The following ARB2A variants were observed in gnomAD, a reference collection of about 807,000 sequenced individuals.
The protein encoded by ARB2A is ARB2 cotranscriptional regulator A, also known as cotranscriptional regulator ARB2A.
At chr5:93,676,814 C>T in the ARB2A span, among the ~76,000 whole-genome samples, 16 of 152,314 alleles carry the variant, frequency 1.1e-4, no homozygotes, top group Admixed American at 2.0e-4. Context: ...ATGTATCCAG[C>T]TCACTGCTGC....
the ARB2A span, among the ~76,000 whole-genome samples, chr5:94,094,211 G>A: frequency 2.6e-5 from 4 of 152,190 alleles, no homozygotes; most frequent in Admixed American, 6.5e-5. Context: ...TTTTCTCACA[G>A]CTCTTGAGGC....
chr5:93,753,420 A>G, the ARB2A span, among the ~76,000 whole-genome samples: 1 of 152,260 alleles, frequency 6.6e-6, no homozygotes, highest in Non-Finnish European at 1.5e-5. Context: ...AATAAAAATT[A>G]GGGTTACATT....
At chr5:93,700,828 G>A in the ARB2A span, among the ~76,000 whole-genome samples, 1 of 151,956 alleles carries the variant, frequency 6.6e-6, no homozygotes, top group African/African-American at 2.4e-5. Flanking sequence ...GTACTCCTAA[G>A]TACTTACTAT....
chr5:94,081,617 T>C, the ARB2A span, among the ~76,000 whole-genome samples: 2 of 152,162 alleles, frequency 1.3e-5, no homozygotes, highest in Admixed American at 6.5e-5. Context: ...TATTGTACGA[T>C]TCCATTTATA....
chr5:94,077,824 A>G, the ARB2A span, among the ~76,000 whole-genome samples: 1 of 152,234 alleles, frequency 6.6e-6, no homozygotes, highest in South Asian at 2.1e-4. Flanking sequence ...ATGGTTTCCT[A>G]GAAATGGTTA....
the ARB2A span, among the ~76,000 whole-genome samples, chr5:94,101,124 C>T: frequency 6.6e-6 from 1 of 151,938 alleles, no homozygotes; most frequent in Non-Finnish European, 1.5e-5. Context: ...AACAAACAAC[C>T]CTATTAAAAA....
At chr5:94,011,422 CTG>C in the ARB2A span, among the ~76,000 whole-genome samples, 18 of 151,998 alleles carry the variant, frequency 1.2e-4, no homozygotes, top group African/African-American at 4.1e-4. Flanking sequence ...AATGTAATCT[CTG>C]TGAGGGAAGG....
At chr5:93,638,229 G>T in the ARB2A span, among the ~76,000 whole-genome samples, 1 of 152,234 alleles carries the variant, frequency 6.6e-6, no homozygotes, top group South Asian at 2.1e-4. Flanking sequence ...TATGAGTGCT[G>T]GCAAATTACC....
the ARB2A span, among the ~76,000 whole-genome samples, chr5:93,643,858 G>T: frequency 0.2 from 30,745 of 152,144 alleles, 4,482 homozygotes; most frequent in African/African-American, 0.41. Context: ...TTTCTAATAA[G>T]TATTATCATC....
At chr5:93,671,658 T>G in the ARB2A span, among the ~76,000 whole-genome samples, 2 of 152,128 alleles carry the variant, frequency 1.3e-5, no homozygotes, top group African/African-American at 4.8e-5. Flanking sequence ...CTTTCCAGAA[T>G]TTTTGAGATG....
the ARB2A span, among the ~76,000 whole-genome samples, chr5:93,977,011 T>TAA: frequency 7.1e-6 from 1 of 141,072 alleles, no homozygotes. Flanking sequence ...CAATAGCCAC[T>TAA]AAAAAAAAAA....
chr5:93,766,161 T>C, the ARB2A span, among the ~76,000 whole-genome samples: 1 of 152,056 alleles, frequency 6.6e-6, no homozygotes, highest in Non-Finnish European at 1.5e-5. Context: ...CCAAAAGCAA[T>C]GGCAACAAAA....
At chr5:94,003,013 G>A in the ARB2A span, among the ~76,000 whole-genome samples, 1 of 152,032 alleles carries the variant, frequency 6.6e-6, no homozygotes, top group East Asian at 1.9e-4. Flanking sequence ...ACAATCAATA[G>A]TGCTAAATTT....
chr5:93,809,385 G>GAAAAAT, the ARB2A span, among the ~76,000 whole-genome samples: 15 of 151,864 alleles, frequency 9.9e-5, no homozygotes, highest in African/African-American at 3.6e-4. Flanking sequence ...CTAAAAGATT[G>GAAAAAT]AAAAATAAAT....
chr5:93,804,716 G>T, the ARB2A span: 1 of 250,954 alleles, frequency 4.0e-6, no homozygotes, highest in Non-Finnish European at 6.3e-6. Flanking sequence ...ACAGCTAGTA[G>T]ATTTTTTTTA....
the ARB2A span, among the ~76,000 whole-genome samples, chr5:93,856,611 G>A: frequency 0.033 from 5,004 of 152,108 alleles, 115 homozygotes; most frequent in Non-Finnish European, 0.049. Flanking sequence ...TGTAGTTCTC[G>A]AGCCTTGGCT....
At chr5:93,922,486 T>C in the ARB2A span, among the ~76,000 whole-genome samples, 5 of 150,278 alleles carry the variant, frequency 3.3e-5, no homozygotes, top group African/African-American at 1.2e-4. Context: ...CTGGCCAACA[T>C]GGTGAAACCC....
the ARB2A span, among the ~76,000 whole-genome samples, chr5:93,880,265 A>G: frequency 6.6e-6 from 1 of 151,756 alleles, no homozygotes; most frequent in Non-Finnish European, 1.5e-5. Context: ...TGTTTTCACC[A>G]CTGCTTAACT....
the ARB2A span, among the ~76,000 whole-genome samples, chr5:93,795,947 C>T: frequency 6.6e-6 from 1 of 151,842 alleles, no homozygotes; most frequent in Admixed American, 6.6e-5. Flanking sequence ...ATGTATATGT[C>T]AGATAAAGCA....
Sources: gnomAD v4.1 joint callset for allele counts (sites outside exome capture counted in the v4.1 genomes callset) on GRCh38, gnomAD v4.1.1 for gene constraint, MANE v1.5 for transcripts, NCBI Gene and HGNC (gene_info 2026-07-23, HGNC 2026-07-21) for gene names.